RSPO2: variants seen among roughly 807,000 people sequenced by gnomAD.
The protein encoded by RSPO2 is R-spondin-2.
In RSPO2, 14 loss-of-function variants were observed where a neutral mutation model predicts 30.9. The observed-to-expected ratio is 0.45, with a 90% CI of 0.30 to 0.71. The LOEUF is 0.71. RSPO2 is among the 30% of genes least tolerant of loss of function. RSPO2 has a pLI of 0.08. For missense variants in RSPO2, 264 were observed against 301.9 expected, an observed-to-expected ratio of 0.87 and a Z score of 0.93; for synonymous variants, 107 against 96.4, an observed-to-expected ratio of 1.11 and a Z score of -0.64.
chr8:108,051,397 C>T lies in RSPO2; in HGVS notation c.94+31148G>A, dbSNP rs950286821. Among the ~76,000 whole-genome samples the T allele has an allele frequency of 3.9e-5, 6 of 152,148 alleles. No homozygotes were observed. The East Asian group carries it at 5.8e-4, about 15-fold the overall frequency. On this transcript the variant is annotated intron_variant, in intron 2 of 5. Coordinates refer to ENST00000276659, the MANE Select transcript of RSPO2 (RefSeq NM_178565.5). ...CAGTTCCACCAGCAGGGGGAAAAAA[C>T]GGCTACAAAAAATGTTTTCTTTGGA...
At chr8:107,933,907 A>G (rs181957328) in intron 5 of RSPO2, among the ~76,000 whole-genome samples, 2 of 152,316 alleles carry the variant, frequency 1.3e-5, no homozygotes, top group African/African-American at 4.8e-5. Context: ...ATCTTAAAAA[A>G]TAAAATAACC....
intron 5 of RSPO2, among the ~76,000 whole-genome samples, chr8:107,937,518 G>C (rs557142722): frequency 1.3e-5 from 2 of 151,858 alleles, no homozygotes; most frequent in South Asian, 4.2e-4. Context: ...GTAGTCCTGG[G>C]AAGAAAATCT....
intron 2 of RSPO2, among the ~76,000 whole-genome samples, chr8:108,047,243 G>T (rs918124138): frequency 6.6e-6 from 1 of 152,192 alleles, no homozygotes; most frequent in Non-Finnish European, 1.5e-5. Context: ...ATTTAATCAT[G>T]TAACAGAAGA....
intron 2 of RSPO2, among the ~76,000 whole-genome samples, chr8:108,054,332 G>C (rs2130685804): frequency 6.6e-6 from 1 of 152,262 alleles, no homozygotes; most frequent in Middle Eastern, 3.4e-3. Flanking sequence ...AGGTACCCAA[G>C]CTCTTTTCAC....
intron 5 of RSPO2, among the ~76,000 whole-genome samples, chr8:107,931,573 C>T (rs548760442): frequency 2.6e-5 from 4 of 152,204 alleles, no homozygotes; most frequent in South Asian, 2.1e-4. Flanking sequence ...AGTCTGTGGA[C>T]GTCCAGTTAC....
At chr8:107,928,695 G>C (rs1051927030) in intron 5 of RSPO2, among the ~76,000 whole-genome samples, 3 of 152,180 alleles carry the variant, frequency 2.0e-5, no homozygotes, top group African/African-American at 7.2e-5. Flanking sequence ...CCTCAGCTCT[G>C]CCACTGTAAC....
chr8:108,073,375 A>G (rs1300590657), intron 2 of RSPO2, among the ~76,000 whole-genome samples: 1 of 152,190 alleles, frequency 6.6e-6, no homozygotes, highest in Non-Finnish European at 1.5e-5. Flanking sequence ...TGCTGAGGTG[A>G]TTAGTTGGCA....
At chr8:107,978,284 G>A (rs971042360) in intron 3 of RSPO2, among the ~76,000 whole-genome samples, 3 of 151,920 alleles carry the variant, frequency 2.0e-5, no homozygotes, top group Non-Finnish European at 4.4e-5. Context: ...AAAATTAGCC[G>A]GGCATGGTGG....
chr8:107,997,809 T>G (rs1815083164), intron 2 of RSPO2, among the ~76,000 whole-genome samples: 1 of 152,248 alleles, frequency 6.6e-6, no homozygotes, highest in African/African-American at 2.4e-5. Flanking sequence ...AGTCTGGCCC[T>G]TTGTTAAATC....
rs181884140 is a variant in RSPO2, at chr8:108,000,671, G to C, written c.95-11427C>G. ...CCAGTCAGAGTGAGAAGCTCAAGTA[G>C]AACAGGATTCAACTGAAATAAGTGG... On this transcript the variant is annotated intron_variant, in intron 2 of 5. Transcript: ENST00000276659. Among the ~76,000 whole-genome samples, 46 of 152,114 alleles carry C rather than the reference G, an allele frequency of 3.0e-4. No homozygotes were observed. In the East Asian group the frequency reaches 6.0e-3, roughly 20 times the overall value.
chr8:107,981,923 A>G (rs1379242410), intron 3 of RSPO2, among the ~76,000 whole-genome samples: 1 of 149,772 alleles, frequency 6.7e-6, no homozygotes, highest in Non-Finnish European at 1.5e-5. Flanking sequence ...AGTCCCAGCT[A>G]CTGGGGAGGC....
rs1813603587 is a variant in RSPO2 at position 107,960,812 on chromosome 8, T to C, written c.289A>G (p.Arg97Gly). 6.3e-7 allele frequency: 1 copy of C among 1,578,566 alleles called. No individual in the cohort carries two copies. The change falls in exon 4 of 6, where the codon AGA becomes GGA. Residue 97 changes from arginine (R) to glycine (G), a missense_variant. By Grantham distance (125) the Arg-to-Gly change is moderately radical. Transcript: ENST00000276659. ...AAGCAAGAATCACAGTTTTCTATTC[T>C]GCATCCTAAAAACAATTTTAAAGAG... Reference protein sequence around the residue: ...APDMNRCARCRIENCDSCFSK... With the variant: ...APDMNRCARCGIENCDSCFSK...
At chr8:108,082,331 C>T (rs1277113609) in intron 2 of RSPO2, among the ~76,000 whole-genome samples, 3 of 152,202 alleles carry the variant, frequency 2.0e-5, no homozygotes, top group Non-Finnish European at 2.9e-5. Context: ...GAGCTCCCAG[C>T]GCGTCTCGCT....
At chr8:108,011,784 T>TA (rs1563562982) in intron 2 of RSPO2, among the ~76,000 whole-genome samples, 1 of 152,188 alleles carries the variant, frequency 6.6e-6, no homozygotes, top group East Asian at 1.9e-4. Context: ...ACTGTCTCTT[T>TA]AAAAAACACA....
intron 5 of RSPO2, among the ~76,000 whole-genome samples, chr8:107,906,882 A>AC (rs1192169021): frequency 6.6e-6 from 1 of 152,042 alleles, no homozygotes; most frequent in Non-Finnish European, 1.5e-5. Context: ...GCGAATTAAC[A>AC]CATCCATCAC....
At chr8:107,976,904 A>G (rs1814235029) in intron 3 of RSPO2, among the ~76,000 whole-genome samples, 1 of 152,256 alleles carries the variant, frequency 6.6e-6, no homozygotes, top group Non-Finnish European at 1.5e-5. Context: ...AATAGAATAA[A>G]TTAGTTCTAA....
intron 5 of RSPO2, among the ~76,000 whole-genome samples, chr8:107,928,232 T>C (rs997016495): frequency 2.6e-5 from 4 of 152,286 alleles, no homozygotes; most frequent in African/African-American, 9.6e-5. Context: ...GCCACCAGGT[T>C]CCATATAATC....
At chr8:108,051,117 T>C (rs578004149) in intron 2 of RSPO2, among the ~76,000 whole-genome samples, 13 of 152,332 alleles carry the variant, frequency 8.5e-5, no homozygotes, top group African/African-American at 3.1e-4. Flanking sequence ...CTGTACCCTT[T>C]AACTTCAAAA....
chr8:108,074,554 C>T (rs1388603040), intron 2 of RSPO2, among the ~76,000 whole-genome samples: 1 of 152,200 alleles, frequency 6.6e-6, no homozygotes, highest in Non-Finnish European at 1.5e-5. Context: ...TCCTGCCCCT[C>T]AATTACTCCA....
Sources: gnomAD v4.1 joint callset for allele counts (sites outside exome capture counted in the v4.1 genomes callset) on GRCh38, gnomAD v4.1.1 for gene constraint, MANE v1.5 for transcripts, NCBI Gene and HGNC (gene_info 2026-07-23, HGNC 2026-07-21) for gene names.